The following CADM2 variants were observed in gnomAD, a reference collection of about 807,000 sequenced individuals.
CADM2 encodes the protein cell adhesion molecule 2, also known as immunoglobulin superfamily member 4D.
In CADM2, 12 loss-of-function variants were observed where a neutral mutation model predicts 49.8. The observed-to-expected ratio is 0.24, with a 90% CI of 0.15 to 0.39. The LOEUF is 0.39. Among genes scored for constraint, CADM2 ranks in the 10% least tolerant of loss-of-function variants. The probability of loss-of-function intolerance (pLI) is 1.00; values close to 1 mark genes in which losing one functional copy is unlikely to be tolerated. For synonymous variants in CADM2, 214 were observed against 175.4 expected, an observed-to-expected ratio of 1.22 and a Z score of -1.74; for missense variants, 378 against 492.3, an observed-to-expected ratio of 0.77 and a Z score of 2.20.
chr3:85,471,093 T>C (rs2038744819), intron 1 of CADM2, among the ~76,000 whole-genome samples: 1 of 152,142 alleles, frequency 6.6e-6, no homozygotes, highest in African/African-American at 2.4e-5. Context: ...CAAAATATAC[T>C]ATTTTAAAGC....
At chr3:85,928,267 T>C (rs1363613384) in intron 6 of CADM2, among the ~76,000 whole-genome samples, 6 of 151,786 alleles carry the variant, frequency 4.0e-5, no homozygotes, top group Admixed American at 1.3e-4. Flanking sequence ...CAAGTGATTC[T>C]CCTGCCTCAG....
At chr3:85,385,323 G>T (rs1576460141) in intron 1 of CADM2, among the ~76,000 whole-genome samples, 1 of 152,046 alleles carries the variant, frequency 6.6e-6, no homozygotes, top group Non-Finnish European at 1.5e-5. Flanking sequence ...TTTCAAAACA[G>T]AAAAAAATAT....
intron 1 of CADM2, among the ~76,000 whole-genome samples, chr3:85,183,725 T>C (rs1295693207): frequency 6.6e-6 from 1 of 152,164 alleles, no homozygotes; most frequent in Non-Finnish European, 1.5e-5. Flanking sequence ...TATGAAGTAT[T>C]AATACTCATT....
chr3:85,412,508 A>G (rs988755132), intron 1 of CADM2, among the ~76,000 whole-genome samples: 5 of 149,212 alleles, frequency 3.4e-5, no homozygotes, highest in Non-Finnish European at 5.9e-5. Context: ...AACCAAAACT[A>G]AGGTATCCTA....
At chr3:84,967,086 C>G (rs1360277559) in intron 1 of CADM2, among the ~76,000 whole-genome samples, 1 of 152,022 alleles carries the variant, frequency 6.6e-6, no homozygotes, top group East Asian at 1.9e-4. Context: ...CATTGCTTAT[C>G]TAAAGTTGTC....
Position 85,984,061 on chromosome 3 carries a change from CATA to C in CADM2, c.970+22418_970+22420del, listed in dbSNP as rs920322783. 2.9e-3 allele frequency among the ~76,000 whole-genome samples: 436 copies of C among 149,040 alleles called. 1 individual carries two copies. Among genetic ancestry groups the C allele is most frequent in the African/African-American group, 0.01 (411 of 40,854 alleles). Reference sequence around the variant, plus strand: ...TATATATGATCTATCTTATATTATACATAATACAATGCTCTGTATTATGTTATA... The same window carrying C: ...TATATATGATCTATCTTATATTATACATACAATGCTCTGTATTATGTTATA... On this transcript the variant is annotated intron_variant, in intron 8 of 9. Coordinates refer to ENST00000383699, the MANE Select transcript of CADM2 (RefSeq NM_001167675.2).
At chr3:85,790,605 A>T (rs1294964498) in intron 2 of CADM2, among the ~76,000 whole-genome samples, 2 of 152,176 alleles carry the variant, frequency 1.3e-5, no homozygotes, top group Non-Finnish European at 2.9e-5. Flanking sequence ...TTGGGTACAC[A>T]AGAGTTTCTG....
intron 1 of CADM2, among the ~76,000 whole-genome samples, chr3:85,338,737 G>A (rs888760172): frequency 6.6e-6 from 1 of 151,168 alleles, no homozygotes; most frequent in Non-Finnish European, 1.5e-5. Context: ...TCTTTTCACC[G>A]AACAACAGGT....
intron 1 of CADM2, among the ~76,000 whole-genome samples, chr3:85,401,280 C>T (rs1311246773): frequency 6.6e-6 from 1 of 152,178 alleles, no homozygotes; most frequent in East Asian, 1.9e-4. Context: ...TTGAGTCACT[C>T]ATGGCAGTGT....
intron 8 of CADM2, among the ~76,000 whole-genome samples, chr3:86,039,103 A>G (rs919134859): frequency 6.6e-6 from 1 of 152,200 alleles, no homozygotes; most frequent in African/African-American, 2.4e-5. Context: ...CAAGATGGCC[A>G]AATAGGAACA....
Position 85,786,291 on chromosome 3 carries a change from C to T in CADM2, c.89-15756C>T, listed in dbSNP as rs188535627. Among the ~76,000 whole-genome samples the T allele has an allele frequency of 1.6e-3, 244 of 149,552 alleles. 2 individuals carry two copies. The highest frequency in any genetic ancestry group is 2.0e-3 in the Admixed American group (30 of 14,652). On this transcript the variant is annotated intron_variant, in intron 2 of 9. Coordinates refer to ENST00000383699, the MANE Select transcript of CADM2 (RefSeq NM_001167675.2). ...AGGATACAAAAAAAGTATTAATTCT[C>T]AGTTTGCTTTATCAGAAGTATAATT...
At chr3:85,008,492 C>G (rs1157903557) in intron 1 of CADM2, among the ~76,000 whole-genome samples, 2 of 152,070 alleles carry the variant, frequency 1.3e-5, no homozygotes, top group Non-Finnish European at 2.9e-5. Flanking sequence ...CTCATGGACT[C>G]TCGCTTGACA....
At chr3:85,639,290 T>A (rs899138325) in intron 1 of CADM2, among the ~76,000 whole-genome samples, 2 of 152,194 alleles carry the variant, frequency 1.3e-5, no homozygotes, top group African/African-American at 4.8e-5. Flanking sequence ...AGTAGATGTA[T>A]GTGAAAATAG....
At chr3:85,127,153 A>AT (rs1225867051) in intron 1 of CADM2, among the ~76,000 whole-genome samples, 1 of 152,108 alleles carries the variant, frequency 6.6e-6, no homozygotes, top group Non-Finnish European at 1.5e-5. Flanking sequence ...AATAAAATCA[A>AT]TTTTTTAAAG....
intron 1 of CADM2, among the ~76,000 whole-genome samples, chr3:85,155,496 C>T (rs1164749434): frequency 1.3e-5 from 2 of 152,052 alleles, no homozygotes; most frequent in Admixed American, 6.5e-5. Context: ...TAATGGGAGA[C>T]TTTAACACCC....
chr3:85,702,921 C>T (rs1434773587), intron 1 of CADM2, among the ~76,000 whole-genome samples: 2 of 152,096 alleles, frequency 1.3e-5, no homozygotes, highest in African/African-American at 4.8e-5. Flanking sequence ...TCACTTCTTT[C>T]TGGACTTTGC....
intron 1 of CADM2, among the ~76,000 whole-genome samples, chr3:85,684,432 G>A (rs187097638): frequency 6.4e-4 from 97 of 152,066 alleles, no homozygotes; most frequent in African/African-American, 2.1e-3. Flanking sequence ...TAGGCAAGCC[G>A]GCACACTTTG....
At chr3:85,849,485 T>C (rs1346496659) in intron 3 of CADM2, among the ~76,000 whole-genome samples, 1 of 152,274 alleles carries the variant, frequency 6.6e-6, no homozygotes, top group East Asian at 1.9e-4. Flanking sequence ...AATAACCTTT[T>C]CCCAAAAAAT....
chr3:85,083,716 T>G (rs2037261346), intron 1 of CADM2, among the ~76,000 whole-genome samples: 1 of 152,124 alleles, frequency 6.6e-6, no homozygotes, highest in Admixed American at 6.6e-5. Context: ...ATTTTTAAAA[T>G]CTCCTTGATC....
Sources: gnomAD v4.1 joint callset for allele counts (sites outside exome capture counted in the v4.1 genomes callset) on GRCh38, gnomAD v4.1.1 for gene constraint, MANE v1.5 for transcripts, NCBI Gene and HGNC (gene_info 2026-07-23, HGNC 2026-07-21) for gene names.